Variants in C10orf143 observed in about 807,000 individuals in gnomAD.
The protein encoded by C10orf143 is chromosome 10 open reading frame 143, also known as uncharacterized protein C10orf143.
chr10:130,092,824 G>T (rs1861403213), intron 1 of C10orf143, among the ~76,000 whole-genome samples: 1 of 151,950 alleles, frequency 6.6e-6, no homozygotes, highest in African/African-American at 2.4e-5. Flanking sequence ...ACAAAGAAGG[G>T]CATTACATAA....
intron 3 of C10orf143, among the ~76,000 whole-genome samples, chr10:130,040,568 C>T (rs180819913): frequency 6.0e-4 from 91 of 152,312 alleles, no homozygotes; most frequent in African/African-American, 2.1e-3. Flanking sequence ...TAGAATGGGA[C>T]GGCGTGCTGG....
At chr10:130,104,949 GAC>G (rs1429081569) in intron 1 of C10orf143, 11 of 152,154 alleles carry the variant, frequency 7.2e-5, no homozygotes, top group African/African-American at 2.7e-4. Context: ...TTTTATTTGA[GAC>G]AGAGTCTCAC....
chr10:130,106,266 G>A, intron 1 of C10orf143: 1 of 1,552,856 alleles, frequency 6.4e-7, no homozygotes, highest in South Asian at 1.1e-5. Flanking sequence ...TATGTGGGAA[G>A]AGAGAAAAAG....
chr10:130,074,263 TC>T (rs1861079141), intron 3 of C10orf143, among the ~76,000 whole-genome samples: 1 of 152,172 alleles, frequency 6.6e-6, no homozygotes, highest in Non-Finnish European at 1.5e-5. Context: ...GACCTCACTT[TC>T]CTTATCTGTA....
At chr10:130,090,436 C>T (rs1379717159) in intron 1 of C10orf143, among the ~76,000 whole-genome samples, 1 of 152,170 alleles carries the variant, frequency 6.6e-6, no homozygotes, top group East Asian at 1.9e-4. Flanking sequence ...GAGATTCCCT[C>T]GGGTGCCTAC....
intron 1 of C10orf143, among the ~76,000 whole-genome samples, chr10:130,083,842 C>T (rs569897685): frequency 1.4e-3 from 212 of 152,058 alleles, no homozygotes; most frequent in Non-Finnish European, 2.5e-3. Flanking sequence ...GTGTAGAGCT[C>T]TGCATTAAAG....
At chr10:130,096,820 T>C in intron 1 of C10orf143, among the ~76,000 whole-genome samples, 1 of 142,040 alleles carries the variant, frequency 7.0e-6, no homozygotes, top group Non-Finnish European at 1.5e-5. Flanking sequence ...CTGTACATTC[T>C]GCACATGTAT....
At position 130,087,832 on chromosome 10, in the gene C10orf143, C is replaced by T. The variant is rs7912713; in HGVS notation, c.70-7931G>A. ...AACACGGAGCAGGGTGAGCAGAGCC[C>T]AGCGCCAGCTCTGCCACCGGTGGGG... On this transcript the variant is annotated intron_variant, in intron 1 of 3. Transcript: ENST00000637128. 2.7e-3 allele frequency among the ~76,000 whole-genome samples: 416 copies of T among 152,290 alleles called. 1 individual carries two copies. The highest frequency in any genetic ancestry group is 9.4e-3 in the African/African-American group (391 of 41,556).
chr10:130,110,810 T>G lies in C10orf143; in HGVS notation c.-38A>C, dbSNP rs1733939941. 1 of 398,736 alleles carries G rather than the reference T, an allele frequency of 2.5e-6. No homozygotes were observed. 24.7% of individuals were successfully genotyped at this position (398,736 alleles called of 1,614,324 possible). The stretch of plus-strand genomic sequence containing the variant: ...TCAAACCCTCCCGGCATCTCAGGCC[T>G]GGCCGAGGCCCGCGCACCACGCCCC... On this transcript the variant is annotated 5_prime_UTR_variant, in exon 1 of 4. Coordinates refer to ENST00000637128, the MANE Select transcript of C10orf143 (RefSeq NM_001355042.2).
intron 1 of C10orf143, among the ~76,000 whole-genome samples, chr10:130,091,039 G>A (rs1010311585): frequency 2.6e-5 from 4 of 152,154 alleles, no homozygotes; most frequent in Admixed American, 6.5e-5. Flanking sequence ...AGAGAGAAGC[G>A]GGATCTCCTA....
At chr10:130,047,818 T>C (rs933919151) in intron 3 of C10orf143, among the ~76,000 whole-genome samples, 17 of 150,818 alleles carry the variant, frequency 1.1e-4, no homozygotes, top group African/African-American at 4.2e-4. Flanking sequence ...CCCATCAATG[T>C]CATTTCCATA....
intron 1 of C10orf143, among the ~76,000 whole-genome samples, chr10:130,110,341 A>T (rs927351499): frequency 6.6e-6 from 1 of 152,182 alleles, no homozygotes; most frequent in African/African-American, 2.4e-5. Flanking sequence ...AGGAACAGTC[A>T]GGTGTAGACG....
chr10:130,048,914 A>G (rs1860707115), intron 3 of C10orf143, among the ~76,000 whole-genome samples: 1 of 152,122 alleles, frequency 6.6e-6, no homozygotes, highest in Admixed American at 6.6e-5. Context: ...TATATTGCCC[A>G]GGCTGGTTTC....
intron 1 of C10orf143, among the ~76,000 whole-genome samples, chr10:130,083,454 C>T (rs1034145685): frequency 5.9e-5 from 9 of 152,146 alleles, no homozygotes; most frequent in African/African-American, 2.2e-4. Context: ...CACATTTGCA[C>T]AGTTATTCAA....
At chr10:130,105,418 G>A (rs1296441116) in intron 1 of C10orf143, among the ~76,000 whole-genome samples, 4 of 152,082 alleles carry the variant, frequency 2.6e-5, no homozygotes, top group Non-Finnish European at 5.9e-5. Flanking sequence ...GAATAATTTA[G>A]CAGTGTTGTG....
At position 130,108,308 on chromosome 10, in the gene C10orf143, A is replaced by C. The variant is rs775029685; in HGVS notation, c.69+2396T>G. On this transcript the variant is annotated intron_variant, in intron 1 of 3. Transcript: ENST00000637128. ...TGCAATGAGAAATGTCTATCCACCG[A>C]GGGGTTTTCCTCCTTACCCTCCCCC... 5 of 1,561,604 alleles carry C rather than the reference A, an allele frequency of 3.2e-6. No individual in the cohort carries two copies. In the African/African-American group the frequency reaches 6.8e-5, roughly 21 times the overall value.
chr10:130,064,524 C>A, intron 3 of C10orf143, 141 bp from the exon 4 acceptor site: 1 of 381,824 alleles, frequency 2.6e-6, no homozygotes, highest in Non-Finnish European at 4.6e-6. Flanking sequence ...CCTGAGGTAT[C>A]TGTTTATAGA....
rs1355352300 is a variant in C10orf143, at chr10:130,065,643, T to C, written c.298-1260A>G. On this transcript the variant is annotated intron_variant, in intron 3 of 3. Coordinates refer to ENST00000637128, the MANE Select transcript of C10orf143 (RefSeq NM_001355042.2). This position sits in a 1 kb window ranked among gnomAD's most constrained non-coding sequence, Gnocchi z 4.2. Reference sequence around the variant, plus strand: ...TTCCCAGAATATTCCCAGAATCACATGTGTAGCAGGTATCCCTTTACAAAA... The same window carrying C: ...TTCCCAGAATATTCCCAGAATCACACGTGTAGCAGGTATCCCTTTACAAAA... 1 of 152,222 alleles carries C rather than the reference T, an allele frequency of 6.6e-6. No individual in the cohort carries two copies. Among genetic ancestry groups the C allele is most frequent in the Non-Finnish European group, 1.5e-5 (1 of 68,054 alleles). 9.4% of individuals were successfully genotyped at this position (152,222 alleles called of 1,614,324 possible).
chr10:130,036,802 C>T (rs567844379), intron 3 of C10orf143, among the ~76,000 whole-genome samples: 13 of 152,190 alleles, frequency 8.5e-5, no homozygotes, highest in South Asian at 4.1e-4. Context: ...GGGTGCTGGG[C>T]GCAAGTTCCT....
Sources: gnomAD v4.1 joint callset for allele counts (sites outside exome capture counted in the v4.1 genomes callset) on GRCh38, gnomAD v4.1.1 for gene constraint, Gnocchi (gnomAD v3.1) non-coding constraint, MANE v1.5 for transcripts, NCBI Gene and HGNC (gene_info 2026-07-23, HGNC 2026-07-21) for gene names.